DGKE: variants seen among roughly 807,000 people sequenced by gnomAD.
DGKE encodes diacylglycerol kinase epsilon.
Under a neutral mutation model 70.0 loss-of-function variants are expected in DGKE, and 53 were observed. The observed-to-expected ratio is 0.76, with a 90% confidence interval of 0.61 to 0.95. DGKE has a LOEUF of 0.95. DGKE is among the 40% of genes least tolerant of loss of function. The probability of loss-of-function intolerance (pLI) is 0.00; values close to 1 mark genes in which losing one functional copy is unlikely to be tolerated. For synonymous variants in DGKE, 291 were observed against 257.0 expected (o/e 1.13, Z -1.27); for missense variants, 655 against 706.9 (o/e 0.93, Z 0.83).
rs753475866 is a variant in DGKE at position 56,862,814 on chromosome 17, T to C, written c.*23T>C. The stretch of plus-strand genomic sequence containing the variant: ...TAGATGGATGAGGGAGTGAAAACTT[T>C]GCATAGAATCCTCACGCAAGTAGAT... On this transcript the variant is annotated 3_prime_UTR_variant, in exon 12 of 12. Transcript: ENST00000284061. 1.3e-5 allele frequency: 19 copies of C among 1,499,818 alleles called. No individual in the cohort carries two copies. Among genetic ancestry groups the C allele is most frequent in the Non-Finnish European group, 1.5e-5 (17 of 1,134,630 alleles). 92.9% of individuals were successfully genotyped at this position (1,499,818 alleles called of 1,614,324 possible).
At position 56,848,779 on chromosome 17, in the gene DGKE, A is replaced by G. The variant is rs1191749965; in HGVS notation, c.972A>G (p.Thr324=). Residue 324 remains threonine (T), a synonymous_variant, in exon 6 of 12, where the codon ACA becomes ACG. Coordinates refer to ENST00000284061, the MANE Select transcript of DGKE (RefSeq NM_003647.3). ...NDLSNTLGWG[T]GYAGEIPVAQ... is the part of the protein sequence containing the mutation. ...TATCCAATACATTGGGTTGGGGTACAGGTTATGCTGGAGAAATTCCAGTTG... is the reference window on the plus strand; with the variant it reads ...TATCCAATACATTGGGTTGGGGTACGGGTTATGCTGGAGAAATTCCAGTTG... 1.3e-5 allele frequency: 21 copies of G among 1,614,092 alleles called. No individual in the cohort carries two copies. The highest frequency in any genetic ancestry group is 1.8e-5 in the Non-Finnish European group (21 of 1,180,034).
chr17:56,848,658 CTG>C (rs1404726259), intron 5 of DGKE, 36 bp from the exon 6 acceptor site: 4 of 1,598,462 alleles, frequency 2.5e-6, no homozygotes, highest in Non-Finnish European at 8.5e-7. Context: ...AGCAAATAGT[CTG>C]AGAGAAAAAT....
chr17:56,852,174 AG>A (rs1907690409), intron 7 of DGKE, among the ~76,000 whole-genome samples: 1 of 152,218 alleles, frequency 6.6e-6, no homozygotes, highest in Non-Finnish European at 1.5e-5. Flanking sequence ...GCACTCTGGG[AG>A]GCTGAGGCAG....
intron 2 of DGKE, among the ~76,000 whole-genome samples, chr17:56,843,005 C>G (rs559626164): frequency 1.4e-4 from 22 of 152,302 alleles, no homozygotes; most frequent in African/African-American, 5.1e-4. Context: ...AAGAAATGCA[C>G]GGTTGTACTT....
At chr17:56,845,945 G>A in intron 4 of DGKE, 136 bp downstream of exon 4, 3 of 933,918 alleles carry the variant, frequency 3.2e-6, no homozygotes, top group Non-Finnish European at 2.9e-6. Flanking sequence ...ATTTAAATAT[G>A]TGGATAAACA....
At chr17:56,852,807 T>C (rs772263621) in intron 7 of DGKE, among the ~76,000 whole-genome samples, 2 of 152,252 alleles carry the variant, frequency 1.3e-5, no homozygotes, top group Non-Finnish European at 2.9e-5. Context: ...AATTCTCTGA[T>C]GATTAGAAAT....
At chr17:56,861,646 A>G in intron 9 of DGKE, 145 bp from the exon 10 acceptor site, 2 of 956,892 alleles carry the variant, frequency 2.1e-6, no homozygotes, top group Non-Finnish European at 1.5e-6. Context: ...GGCAGATGAG[A>G]GGCCCTGAGT....
intron 7 of DGKE, among the ~76,000 whole-genome samples, chr17:56,850,031 T>G (rs539421253): frequency 1.9e-4 from 29 of 152,276 alleles, no homozygotes; most frequent in Non-Finnish European, 3.5e-4. Context: ...AACTGAAGCC[T>G]TATTTCTGAT....
Position 56,835,222 on chromosome 17 carries a change from CA to C in DGKE, c.428del (p.Gln143ArgfsTer26). The C allele has an allele frequency of 3.1e-6, 5 of 1,613,418 alleles. No individual in the cohort carries two copies. The highest frequency in any genetic ancestry group is 4.2e-6 in the Non-Finnish European group (5 of 1,179,896). The part of the protein sequence containing the change: ...PLCSYCMVCK[Q>X]QCGCQPKLCD... The stretch of plus-strand genomic sequence containing the variant: ...GTGCAGTTACTGTATGGTTTGCAAG[CA>C]GCAGTGTGGCTGTCAACCCAAGCTT... On this transcript the variant is annotated frameshift_variant, in exon 2 of 12. Transcript: ENST00000284061. LOFTEE classifies it high-confidence loss of function.
In DGKE at chr17:56,862,639, A is replaced by G. The variant is rs1035375879; in HGVS notation, c.1552A>G (p.Met518Val). 4 of 1,575,702 alleles carry G rather than the reference A, an allele frequency of 2.5e-6. No individual in the cohort carries two copies. Among genetic ancestry groups the G allele is most frequent in the South Asian group, 1.2e-5 (1 of 84,066 alleles). ...GATTTTGAAGTGCTCCATGATGCCA[A>G]TGCAGGTGGATGGGGAGCCTTGGGC... is the stretch of plus-strand genomic sequence containing the variant. ...RLILKCSMMPMQVDGEPWAQG... is the reference protein window; with the variant it reads ...RLILKCSMMPVQVDGEPWAQG... The change falls in exon 12 of 12, where the codon ATG becomes GTG. Residue 518 changes from methionine to valine, a missense_variant. Physicochemically the swap from Met to Val is conservative, Grantham distance 21. Transcript: ENST00000284061.
chr17:56,862,898 A>G lies in DGKE; in HGVS notation c.*107A>G. 1.0e-6 allele frequency: 1 copy of G among 980,060 alleles called. No individual in the cohort carries two copies. The highest frequency in any genetic ancestry group is 1.4e-6 in the Non-Finnish European group (1 of 728,386). 60.7% of individuals were successfully genotyped at this position (980,060 alleles called of 1,614,324 possible). A position where few individuals can be genotyped will look rare whatever the true frequency, so the allele number is the denominator to read the frequency against. ...CTATCAGCTATTCAGTCTTAATTTC[A>G]CTAGTAGTATAATGGGTATACATTT... On this transcript the variant is annotated 3_prime_UTR_variant, in exon 12 of 12. Coordinates refer to ENST00000284061, the MANE Select transcript of DGKE (RefSeq NM_003647.3).
At chr17:56,862,510 G>A in intron 11 of DGKE, 102 bp from the exon 12 acceptor site, 1 of 1,108,758 alleles carries the variant, frequency 9.0e-7, no homozygotes, top group South Asian at 1.9e-5. Flanking sequence ...TTCTAAAAAT[G>A]AAATGCATAA....
rs1907258136 is a variant in DGKE, at chr17:56,845,905, GA to G, written c.744+99del. 6 of 1,225,284 alleles carry G rather than the reference GA, an allele frequency of 4.9e-6. No individual in the cohort carries two copies. The Middle Eastern group carries it at 9.0e-4, about 183-fold the overall frequency. 75.9% of individuals were successfully genotyped at this position (1,225,284 alleles called of 1,614,324 possible). On this transcript the variant is annotated intron_variant, in intron 4 of 11. Transcript: ENST00000284061. The stretch of plus-strand genomic sequence containing the variant: ...CAAGTCACTAATCACCTGATCATAG[GA>G]AAGAATAATAATTACAAAAAGATCA...
Position 56,844,101 on chromosome 17 carries a change from A to G in DGKE, c.547A>G (p.Lys183Glu), listed in dbSNP as rs1907148301. The change falls in exon 3 of 12, where the codon AAA becomes GAA. Residue 183 changes from lysine to glutamate, a missense_variant. Transcript: ENST00000284061. The part of the protein sequence containing the change: ...KNEKCDFGEF[K>E]NLIIPPSYLT... ...TGAAAAATGTGATTTTGGAGAATTC[A>G]AAAACCTAATCATTCCACCAAGTTA... is the stretch of plus-strand genomic sequence containing the variant. 6.3e-7 allele frequency: 1 copy of G among 1,586,600 alleles called. No individual in the cohort carries two copies. Among genetic ancestry groups the G allele is most frequent in the East Asian group, 2.3e-5 (1 of 42,776 alleles).
Position 56,869,282 on chromosome 17 carries a change from A to G in DGKE, c.*6491A>G, listed in dbSNP as rs1487730548. On this transcript the variant is annotated 3_prime_UTR_variant, in exon 12 of 12. Transcript: ENST00000284061. Reference sequence around the variant, plus strand: ...TCTAATTTTTAAGTATTGGTTGGCAACTAATTGACTATCGTCTACCATAAG... The same window carrying G: ...TCTAATTTTTAAGTATTGGTTGGCAGCTAATTGACTATCGTCTACCATAAG... The G allele has an allele frequency of 1.3e-5, 2 of 152,252 alleles. No homozygotes were observed. The highest frequency in any genetic ancestry group is 2.9e-5 in the Non-Finnish European group (2 of 68,048). 9.4% of individuals were successfully genotyped at this position (152,252 alleles called of 1,614,324 possible).
At chr17:56,851,548 T>C (rs546922493) in intron 7 of DGKE, among the ~76,000 whole-genome samples, 1 of 152,312 alleles carries the variant, frequency 6.6e-6, no homozygotes, top group African/African-American at 2.4e-5. Flanking sequence ...ATAATGAAGC[T>C]TATACCCTAG....
At chr17:56,851,490 A>G (rs373261779) in intron 7 of DGKE, among the ~76,000 whole-genome samples, 37 of 152,336 alleles carry the variant, frequency 2.4e-4, no homozygotes, top group African/African-American at 7.9e-4. Context: ...ACGTACCAAT[A>G]TTTGAGTGTC....
intron 4 of DGKE, among the ~76,000 whole-genome samples, chr17:56,847,011 C>G (rs1305678606): frequency 5.3e-5 from 8 of 152,082 alleles, no homozygotes; most frequent in Non-Finnish European, 1.2e-4. Context: ...TTTATCCAGT[C>G]TCTACTGTTG....
At chr17:56,836,215 T>A (rs1906609386) in intron 2 of DGKE, 1 of 151,798 alleles carries the variant, frequency 6.6e-6, no homozygotes, top group Non-Finnish European at 1.5e-5. Context: ...TTTTTTTAAT[T>A]TTTTTTGCAG....
Sources: gnomAD v4.1 joint callset for allele counts (sites outside exome capture counted in the v4.1 genomes callset) on GRCh38, gnomAD v4.1.1 for gene constraint, MANE v1.5 for transcripts, NCBI Gene and HGNC (gene_info 2026-07-23, HGNC 2026-07-21) for gene names.